Variants in LRMDA observed in about 807,000 individuals in gnomAD.
The protein encoded by LRMDA is leucine-rich melanocyte differentiation-associated protein.
Under a neutral mutation model 29.8 loss-of-function variants are expected in LRMDA, and 18 were observed. The observed-to-expected ratio is 0.60, with a 90% confidence interval of 0.42 to 0.90. The LOEUF (loss-of-function observed/expected upper bound fraction) is 0.90. Among genes scored for constraint, LRMDA ranks in the 40% least tolerant of loss-of-function variants. The probability of loss-of-function intolerance (pLI) is 0.00; values close to 1 mark genes in which losing one functional copy is unlikely to be tolerated. For synonymous variants in LRMDA, 125 were observed against 109.4 expected, an observed-to-expected ratio of 1.14 and a Z score of -0.89; for missense variants, 273 against 273.9, an observed-to-expected ratio of 1.00 and a Z score of 0.02.
intron 2 of LRMDA, among the ~76,000 whole-genome samples, chr10:75,905,386 C>G (rs1564602739): frequency 6.6e-6 from 1 of 151,764 alleles, no homozygotes; most frequent in Non-Finnish European, 1.5e-5. Context: ...CTATAGTTTA[C>G]AGTAATCTAT....
intron 5 of LRMDA, among the ~76,000 whole-genome samples, chr10:76,232,077 A>G (rs1290744479): frequency 1.3e-5 from 2 of 152,166 alleles, no homozygotes; most frequent in African/African-American, 4.8e-5. Context: ...CTATTGATTT[A>G]TCTCTTCTTT....
chr10:75,529,924 G>T (rs1370143510), intron 2 of LRMDA, among the ~76,000 whole-genome samples: 2 of 152,054 alleles, frequency 1.3e-5, no homozygotes, highest in Non-Finnish European at 2.9e-5. Flanking sequence ...AATGGCTAAT[G>T]CCTAAAACTG....
chr10:75,978,357 GCTC>G (rs1039799510), intron 2 of LRMDA, among the ~76,000 whole-genome samples: 3 of 152,302 alleles, frequency 2.0e-5, no homozygotes, highest in Admixed American at 1.3e-4. Context: ...GGCAGCTTGT[GCTC>G]TTGTCATTCT....
chr10:75,483,161 G>A (rs1205856382), intron 2 of LRMDA, among the ~76,000 whole-genome samples: 2 of 152,006 alleles, frequency 1.3e-5, no homozygotes, highest in African/African-American at 4.8e-5. Context: ...TACCCAGGCT[G>A]GTCTTGAACT....
At chr10:75,586,809 T>C (rs1470512032) in intron 2 of LRMDA, among the ~76,000 whole-genome samples, 3 of 107,354 alleles carry the variant, frequency 2.8e-5, no homozygotes, top group Non-Finnish European at 5.6e-5. Flanking sequence ...CATTTTGTAA[T>C]TGGGTTATTA....
At chr10:76,446,840 T>G (rs1842358738) in intron 6 of LRMDA, among the ~76,000 whole-genome samples, 1 of 152,236 alleles carries the variant, frequency 6.6e-6, no homozygotes, top group African/African-American at 2.4e-5. Flanking sequence ...TGGGCAGACC[T>G]GCCTTGTATT....
At chr10:76,160,108 CTATG>C (rs1250537286) in intron 5 of LRMDA, among the ~76,000 whole-genome samples, 1 of 151,734 alleles carries the variant, frequency 6.6e-6, no homozygotes, top group Non-Finnish European at 1.5e-5. Flanking sequence ...AGGGGGGAGG[CTATG>C]TATGTATCCC....
intron 2 of LRMDA, among the ~76,000 whole-genome samples, chr10:75,991,629 G>T (rs748140801): frequency 2.0e-5 from 3 of 152,246 alleles, no homozygotes; most frequent in Non-Finnish European, 2.9e-5. Context: ...ACCCATAGCC[G>T]TGTTTAGCAG....
chr10:76,246,239 A>C (rs1852374135), intron 5 of LRMDA, among the ~76,000 whole-genome samples: 1 of 152,134 alleles, frequency 6.6e-6, no homozygotes, highest in African/African-American at 2.4e-5. Context: ...AGGAGGGGTG[A>C]GTTTGGTCTG....
intron 2 of LRMDA, among the ~76,000 whole-genome samples, chr10:75,854,027 T>C (rs1421677457): frequency 6.6e-6 from 1 of 152,172 alleles, no homozygotes; most frequent in Non-Finnish European, 1.5e-5. Context: ...GCAGCTGATA[T>C]TGTGTGTCTC....
At chr10:75,831,990 T>C in intron 2 of LRMDA, among the ~76,000 whole-genome samples, 1 of 152,232 alleles carries the variant, frequency 6.6e-6, no homozygotes, top group East Asian at 1.9e-4. Flanking sequence ...CCTAGGCCTC[T>C]GGGTCTGTGA....
At chr10:76,044,779 A>G (rs1481451963) in intron 3 of LRMDA, among the ~76,000 whole-genome samples, 1 of 152,160 alleles carries the variant, frequency 6.6e-6, no homozygotes, top group Non-Finnish European at 1.5e-5. Flanking sequence ...GATTTGAGAG[A>G]TTGAAAACAA....
intron 5 of LRMDA, among the ~76,000 whole-genome samples, chr10:76,132,786 C>T (rs989010526): frequency 2.0e-5 from 3 of 151,694 alleles, no homozygotes; most frequent in Non-Finnish European, 4.4e-5. Context: ...TCTCAGATTT[C>T]ACCAGCTGAC....
chr10:75,791,594 C>A (rs1315974116), intron 2 of LRMDA, among the ~76,000 whole-genome samples: 1 of 152,174 alleles, frequency 6.6e-6, no homozygotes, highest in Non-Finnish European at 1.5e-5. Flanking sequence ...GTCAAATTCT[C>A]ACACTCCCAG....
intron 2 of LRMDA, among the ~76,000 whole-genome samples, chr10:75,920,585 A>G (rs1846010391): frequency 6.6e-6 from 1 of 152,212 alleles, no homozygotes; most frequent in Non-Finnish European, 1.5e-5. Flanking sequence ...GCCAAAGTAT[A>G]TAGAGGAAAA....
chr10:75,906,190 A>G (rs1157898643), intron 2 of LRMDA, among the ~76,000 whole-genome samples: 1 of 152,188 alleles, frequency 6.6e-6, no homozygotes, highest in South Asian at 2.1e-4. Context: ...GAAATTGCTC[A>G]TACTTCATGT....
At chr10:76,471,775 C>T (rs752852200) in intron 6 of LRMDA, among the ~76,000 whole-genome samples, 5 of 151,362 alleles carry the variant, frequency 3.3e-5, no homozygotes, top group South Asian at 2.1e-4. Flanking sequence ...AGTGGCTATA[C>T]GAATAGCAGA....
chr10:76,466,192 C>T (rs954856940), intron 6 of LRMDA, among the ~76,000 whole-genome samples: 10 of 152,146 alleles, frequency 6.6e-5, no homozygotes, highest in Admixed American at 6.5e-4. Flanking sequence ...AGGCTGGAGT[C>T]ATGAGAACTT....
At chr10:75,971,724 C>G (rs1846974902) in intron 2 of LRMDA, among the ~76,000 whole-genome samples, 1 of 152,112 alleles carries the variant, frequency 6.6e-6, no homozygotes, top group Non-Finnish European at 1.5e-5. Context: ...TTGGGTATTT[C>G]AAGACATTAT....
Sources: gnomAD v4.1 joint callset for allele counts (sites outside exome capture counted in the v4.1 genomes callset) on GRCh38, gnomAD v4.1.1 for gene constraint, MANE v1.5 for transcripts, NCBI Gene and HGNC (gene_info 2026-07-23, HGNC 2026-07-21) for gene names.